The following NFAM1 variants were observed in gnomAD, a reference collection of about 807,000 sequenced individuals.
NFAM1 encodes NFAT activation molecule 1.
NFAM1 carries 17 observed loss-of-function variants against 29.0 expected under a neutral mutation model. The observed-to-expected ratio is 0.59, with a 90% confidence interval of 0.40 to 0.88. The LOEUF (loss-of-function observed/expected upper bound fraction) is 0.88. Among genes scored for constraint, NFAM1 ranks in the 40% least tolerant of loss-of-function variants. The pLI is 0.00. For missense variants in NFAM1, 324 were observed against 344.6 expected, an observed-to-expected ratio of 0.94 and a Z score of 0.47; for synonymous variants, 175 against 147.2, an observed-to-expected ratio of 1.19 and a Z score of -1.36.
At chr22:42,390,273 T>C (rs1929290059) in intron 4 of NFAM1, among the ~76,000 whole-genome samples, 1 of 152,078 alleles carries the variant, frequency 6.6e-6, no homozygotes, top group Non-Finnish European at 1.5e-5. Flanking sequence ...CCGGACACCC[T>C]GGGAGGTAAG....
chr22:42,400,908 G>A (rs7289512), intron 3 of NFAM1, among the ~76,000 whole-genome samples: 55,758 of 152,198 alleles, frequency 0.37, 12,360 homozygotes, highest in East Asian at 0.53. Context: ...TGGGTCTCCC[G>A]CGAGGCTGAC....
chr22:42,417,398 C>T (rs1569233898), intron 1 of NFAM1, among the ~76,000 whole-genome samples: 1 of 152,212 alleles, frequency 6.6e-6, no homozygotes, highest in Non-Finnish European at 1.5e-5. Context: ...TGGTTATTCT[C>T]CAGGTCCCAT....
chr22:42,425,056 G>C (rs1392120883), intron 1 of NFAM1, among the ~76,000 whole-genome samples: 1 of 152,050 alleles, frequency 6.6e-6, no homozygotes, highest in Non-Finnish European at 1.5e-5. Context: ...CCAGTAGCTG[G>C]AATTACAGGT....
chr22:42,434,590 C>T (rs1930897051), upstream of NFAM1, among the ~76,000 whole-genome samples: 5 of 152,214 alleles, frequency 3.3e-5, no homozygotes, highest in Admixed American at 6.5e-5. Context: ...CCTGATCCTC[C>T]TCGGGAGCCA....
At chr22:42,414,295 C>T (rs9611788) in intron 1 of NFAM1, among the ~76,000 whole-genome samples, 70,182 of 151,878 alleles carry the variant, frequency 0.46, 17,238 homozygotes, top group African/African-American at 0.63. Context: ...TTTGTATCTC[C>T]GGACTCTACT....
chr22:42,419,432 C>T lies in NFAM1; in HGVS notation c.122-7696G>A, dbSNP rs1170013047. On this transcript the variant is annotated intron_variant, in intron 1 of 5. Transcript: ENST00000329021. This position sits in a 1 kb window ranked among gnomAD's most constrained non-coding sequence, Gnocchi z 4.5. ...AAAATAGAACATGAAGCATTTCATG[C>T]GTAGTAAGGGCACTGTTTGCGACCT... Among the ~76,000 whole-genome samples the T allele has an allele frequency of 1.3e-5, 2 of 152,202 alleles. No homozygotes were observed. The highest frequency in any genetic ancestry group is 1.5e-5 in the Non-Finnish European group (1 of 68,038).
chr22:42,411,755 G>A lies in NFAM1; in HGVS notation c.122-19C>T, dbSNP rs1219720959. The A allele has an allele frequency of 2.5e-6, 4 of 1,588,264 alleles. No homozygotes were observed. The African/African-American group carries it at 4.0e-5, about 16-fold the overall frequency. On this transcript the variant is annotated intron_variant, in intron 1 of 5. Coordinates refer to ENST00000329021, the MANE Select transcript of NFAM1 (RefSeq NM_145912.8). The stretch of plus-strand genomic sequence containing the variant: ...TGTCCTCCTGGAGGGGAAGCAAAGG[G>A]AGAGAGCAACAGGTCACTTGAGGCT...
At chr22:42,389,009 G>C (rs1929241969) in intron 4 of NFAM1, among the ~76,000 whole-genome samples, 1 of 152,196 alleles carries the variant, frequency 6.6e-6, no homozygotes, top group African/African-American at 2.4e-5. Context: ...CTGTGGTCCT[G>C]TGCCCCCAAC....
At chr22:42,424,882 CTCTTTCTTTCCTT>C (rs1555973754) in intron 1 of NFAM1, among the ~76,000 whole-genome samples, 3 of 150,120 alleles carry the variant, frequency 2.0e-5, no homozygotes. Flanking sequence ...CCCTCCCTCT[CTCTTTCTTTCCTT>C]TCTTTCTTTC....
chr22:42,401,277 G>A (rs1929717968), intron 3 of NFAM1, among the ~76,000 whole-genome samples: 1 of 152,226 alleles, frequency 6.6e-6, no homozygotes, highest in South Asian at 2.1e-4. Context: ...GGAGTGTCAT[G>A]GATGCACAGA....
At chr22:42,432,107 G>A in intron 1 of NFAM1, 130 bp downstream of exon 1, 3 of 832,114 alleles carry the variant, frequency 3.6e-6, no homozygotes, top group South Asian at 3.1e-5. Context: ...TGTGAAGTCT[G>A]CAGCGTTCAA....
intron 4 of NFAM1, among the ~76,000 whole-genome samples, chr22:42,391,491 T>C (rs1235717459): frequency 6.6e-6 from 1 of 152,146 alleles, no homozygotes; most frequent in Admixed American, 6.5e-5. Flanking sequence ...AAGGGCTGGA[T>C]TCTGGATACG....
At chr22:42,399,586 A>T (rs1022814642) in intron 3 of NFAM1, among the ~76,000 whole-genome samples, 13 of 152,002 alleles carry the variant, frequency 8.6e-5, no homozygotes, top group Admixed American at 2.0e-4. Context: ...GAAACATCTG[A>T]GGGCTCGAAG....
intron 1 of NFAM1, among the ~76,000 whole-genome samples, chr22:42,426,410 T>G (rs1930623817): frequency 1.3e-5 from 2 of 152,100 alleles, no homozygotes; most frequent in African/African-American, 4.8e-5. Flanking sequence ...CTGGCTCTTC[T>G]CGGCACCCTG....
intron 4 of NFAM1, among the ~76,000 whole-genome samples, chr22:42,396,808 G>C (rs1345059467): frequency 6.6e-6 from 1 of 152,236 alleles, no homozygotes; most frequent in South Asian, 2.1e-4. Flanking sequence ...AGCAGACAAG[G>C]CTGTATCCTG....
chr22:42,396,288 A>G (rs765671075), intron 4 of NFAM1, among the ~76,000 whole-genome samples: 16 of 152,224 alleles, frequency 1.1e-4, no homozygotes, highest in Admixed American at 7.2e-4. Flanking sequence ...ATCTCATAGA[A>G]AGATATTTAT....
intron 3 of NFAM1, among the ~76,000 whole-genome samples, chr22:42,406,672 A>G (rs996439165): frequency 6.6e-6 from 1 of 152,110 alleles, no homozygotes; most frequent in African/African-American, 2.4e-5. Context: ...GTTTCCCCCA[A>G]TAATTATCCC....
At chr22:42,390,824 A>T (rs1281376143) in intron 4 of NFAM1, among the ~76,000 whole-genome samples, 1,851 of 151,504 alleles carry the variant, frequency 0.012, 54 homozygotes, top group African/African-American at 0.043. Context: ...CTCAAAAAAA[A>T]AAAAAAAAAA....
At chr22:42,421,788 T>G (rs1930454981) in intron 1 of NFAM1, among the ~76,000 whole-genome samples, 2 of 152,236 alleles carry the variant, frequency 1.3e-5, no homozygotes, top group Non-Finnish European at 2.9e-5. Flanking sequence ...ACAGTCTTTA[T>G]TTTAGGCATG....
Sources: allele counts gnomAD v4.1 joint callset (sites outside exome capture counted in the v4.1 genomes callset), GRCh38; gene constraint gnomAD v4.1.1; non-coding constraint Gnocchi (gnomAD v3.1); transcripts MANE v1.5; gene names NCBI Gene and HGNC (gene_info 2026-07-23, HGNC 2026-07-21).